The following CROCC2 variants were observed in gnomAD, a reference collection of about 807,000 sequenced individuals.
CROCC2 encodes the protein ciliary rootlet coiled-coil, rootletin family member 2.
CROCC2 carries 163 observed loss-of-function variants against 177.6 expected under a neutral mutation model. The observed-to-expected ratio is 0.92, with a 90% CI of 0.81 to 1.05. CROCC2 has a LOEUF of 1.05. Ranked by LOEUF, CROCC2 falls within the 50% of genes least tolerant of loss-of-function variation. The pLI is 0.00. For missense variants in CROCC2, 1,929 were observed against 1,797.8 expected, an observed-to-expected ratio of 1.07 and a Z score of -1.32; for synonymous variants, 904 against 787.3, an observed-to-expected ratio of 1.15 and a Z score of -2.48.
At chr2:240,941,130 T>C (rs2059492500) in intron 14 of CROCC2, among the ~76,000 whole-genome samples, 1 of 151,980 alleles carries the variant, frequency 6.6e-6, no homozygotes, top group South Asian at 2.1e-4. Flanking sequence ...TAACCAAGGA[T>C]GTGAAAGACT....
intron 20 of CROCC2, among the ~76,000 whole-genome samples, chr2:240,962,237 T>C (rs901539704): frequency 6.6e-6 from 1 of 151,692 alleles, no homozygotes; most frequent in African/African-American, 2.4e-5. Context: ...ATTAAGTGAT[T>C]TGGCCGTAAA....
chr2:240,985,899 C>G, intron 28 of CROCC2: 1 of 454,652 alleles, frequency 2.2e-6, no homozygotes, highest in Non-Finnish European at 4.4e-6. Flanking sequence ...GGGCCCCCAC[C>G]TGGCAGGTGA....
chr2:240,956,046 C>A, intron 19 of CROCC2, 74 bp downstream of exon 19: 1 of 1,117,378 alleles, frequency 8.9e-7, no homozygotes, highest in South Asian at 1.3e-5. Flanking sequence ...ACCCCTCCTG[C>A]CTGGTCCCAG....
Position 240,988,773 on chromosome 2 carries a change from T to C in CROCC2, c.4586T>C (p.Val1529Ala), listed in dbSNP as rs1290078116. 2 of 1,505,916 alleles carry C rather than the reference T, an allele frequency of 1.3e-6. No individual in the cohort carries two copies. The highest frequency in any genetic ancestry group is 1.8e-6 in the Non-Finnish European group (2 of 1,120,806). 93.3% of individuals were successfully genotyped at this position (1,505,916 alleles called of 1,614,324 possible). A position where few individuals can be genotyped will look rare whatever the true frequency, so the allele number is the denominator to read the frequency against. ...GAGACACTGAAGAGGGAGGAGGATGTGGCGAGGCTGGGGGCTGAGAAGGAG... is the reference window on the plus strand; with the variant it reads ...GAGACACTGAAGAGGGAGGAGGATGCGGCGAGGCTGGGGGCTGAGAAGGAG... ...EQETLKREED[V>A]ARLGAEKEQL... Residue 1529 changes from valine (V) to alanine (A), a missense_variant, in exon 29 of 32, where the codon GTG becomes GCG. Transcript: ENST00000690015.
chr2:240,916,959 T>C (rs1026298232), intron 1 of CROCC2, among the ~76,000 whole-genome samples: 1 of 152,080 alleles, frequency 6.6e-6, no homozygotes, highest in Non-Finnish European at 1.5e-5. Context: ...TTGGTGGTCT[T>C]GGCACCTGGG....
intron 27 of CROCC2, among the ~76,000 whole-genome samples, chr2:240,975,041 T>G (rs2059749903): frequency 6.6e-6 from 1 of 152,188 alleles, no homozygotes; most frequent in Non-Finnish European, 1.5e-5. Flanking sequence ...TGTTTATTGG[T>G]CGTTTGCTTT....
chr2:240,919,051 G>A (rs552861928), intron 2 of CROCC2, among the ~76,000 whole-genome samples, 175 bp downstream of exon 2: 2 of 36,036 alleles, frequency 5.6e-5, no homozygotes, highest in South Asian at 1.7e-3. Context: ...CAAGGTGATG[G>A]CGTGGGGGAC....
At position 240,955,839 on chromosome 2, in the gene CROCC2, G is replaced by A. The variant is rs2059586812; in HGVS notation, c.2830-20G>A. The stretch of plus-strand genomic sequence containing the variant: ...CCGAGACTCCCCAACTTTCTCACAA[G>A]CATACCCCGTCCTGTTCAGGCCCTG... On this transcript the variant is annotated intron_variant, in intron 18 of 31. Transcript: ENST00000690015. 6 of 1,519,050 alleles carry A rather than the reference G, an allele frequency of 3.9e-6. No individual in the cohort carries two copies. In the South Asian group the frequency reaches 6.0e-5, roughly 15 times the overall value. 94.1% of individuals were successfully genotyped at this position (1,519,050 alleles called of 1,614,324 possible). A position where few individuals can be genotyped will look rare whatever the true frequency, so the allele number is the denominator to read the frequency against.
chr2:240,963,339 G>T (rs1224599823), intron 20 of CROCC2: 2 of 546,058 alleles, frequency 3.7e-6, no homozygotes, highest in Admixed American at 6.1e-5. Context: ...GGGGTCTTCT[G>T]GGCTCTTAGG....
rs1373840996 is a variant in CROCC2 at position 240,933,651 on chromosome 2, C to G, written c.1464-19C>G. 6 of 1,549,204 alleles carry G rather than the reference C, an allele frequency of 3.9e-6. No homozygotes were observed. The South Asian group carries it at 4.8e-5, about 12-fold the overall frequency. On this transcript the variant is annotated intron_variant, in intron 10 of 31. Coordinates refer to ENST00000690015, the MANE Select transcript of CROCC2 (RefSeq NM_001351305.2). The stretch of plus-strand genomic sequence containing the variant: ...GAATGTGTCCAGGGCCGCCCCAACT[C>G]TGCCCCCACCATCCCCAGGGAGAAG...
chr2:240,934,415 A>C lies in CROCC2; in HGVS notation c.1731A>C (p.Ala577=). 2 of 1,548,700 alleles carry C rather than the reference A, an allele frequency of 1.3e-6. No individual in the cohort carries two copies. The highest frequency in any genetic ancestry group is 8.7e-7 in the Non-Finnish European group (1 of 1,146,916). ...LASVREALST[A]QLQRDVVESE... Reference sequence around the variant, plus strand: ...CGGTCCGGGAGGCACTGAGCACAGCACAGCTGCAGCGGGATGTCGTGGAGA... The same window carrying C: ...CGGTCCGGGAGGCACTGAGCACAGCCCAGCTGCAGCGGGATGTCGTGGAGA... Residue 577 remains alanine, a synonymous_variant, in exon 12 of 32, where the codon GCA becomes GCC. Coordinates refer to ENST00000690015, the MANE Select transcript of CROCC2 (RefSeq NM_001351305.2).
chr2:240,967,953 G>A (rs1009950835), intron 26 of CROCC2, among the ~76,000 whole-genome samples, 176 bp from the exon 27 acceptor site: 1 of 152,120 alleles, frequency 6.6e-6, no homozygotes, highest in African/African-American at 2.4e-5. Context: ...AGAGGCAGGA[G>A]GGAAGGATGG....
At position 240,925,836 on chromosome 2, in the gene CROCC2, C is replaced by T. The variant is rs752070438; in HGVS notation, c.601C>T (p.Arg201Cys). ...ELAGMTGSVQRLQGELELRRW... is the reference protein window; with the variant it reads ...ELAGMTGSVQCLQGELELRRW... ...GGCCGGGATGACGGGCAGCGTGCAGCGCCTGCAGGGCGAGCTGGAGCTGAG... is the reference window on the plus strand; with the variant it reads ...GGCCGGGATGACGGGCAGCGTGCAGTGCCTGCAGGGCGAGCTGGAGCTGAG... Residue 201 changes from arginine (R) to cysteine (C), a missense_variant, in exon 5 of 32, where the codon CGC becomes TGC. Around this residue, in one of 3 missense-constraint regions of CROCC2, gnomAD observed 1,397 missense variants for 1,239.9 expected, o/e 1.13. Transcript: ENST00000690015. The T allele has an allele frequency of 1.1e-4, 77 of 716,098 alleles. 1 individual carries two copies. Among genetic ancestry groups the T allele is most frequent in the South Asian group, 7.0e-4 (47 of 67,508 alleles). 44.4% of individuals were successfully genotyped at this position (716,098 alleles called of 1,614,324 possible).
rs548662097 is a variant in CROCC2, at chr2:240,965,562, G to A, written c.3603+44G>A. On this transcript the variant is annotated intron_variant, in intron 23 of 31. Coordinates refer to ENST00000690015, the MANE Select transcript of CROCC2 (RefSeq NM_001351305.2). ...GTCAGAAGGGAAGGAGCTGGGCGTCGGGGAGCAGAGGGAGGAGGCCCACCC... is the reference window on the plus strand; with the variant it reads ...GTCAGAAGGGAAGGAGCTGGGCGTCAGGGAGCAGAGGGAGGAGGCCCACCC... The A allele has an allele frequency of 1.3e-4, 199 of 1,549,724 alleles. 1 individual carries two copies. The South Asian group carries it at 1.8e-3, about 14-fold the overall frequency.
chr2:240,910,048 C>G (rs948373753), intron 1 of CROCC2, among the ~76,000 whole-genome samples: 2 of 152,184 alleles, frequency 1.3e-5, no homozygotes, highest in Non-Finnish European at 2.9e-5. Context: ...CTGCTCTCCC[C>G]TCCTTTGGAA....
At chr2:240,932,636 C>T (rs1284009754) in intron 8 of CROCC2, 66 bp from the exon 9 acceptor site, 5 of 716,784 alleles carry the variant, frequency 7.0e-6, no homozygotes, top group East Asian at 5.4e-5. Flanking sequence ...ACTGTCTGCG[C>T]GGTCCCCACC....
intron 15 of CROCC2, among the ~76,000 whole-genome samples, chr2:240,948,136 T>A (rs2059534115): frequency 6.7e-6 from 1 of 149,198 alleles, no homozygotes; most frequent in Non-Finnish European, 1.5e-5. Flanking sequence ...AGCCTGGGAG[T>A]GTTGGGATGG....
At position 240,988,899 on chromosome 2, in the gene CROCC2, C is replaced by T. The variant is rs1381442819; in HGVS notation, c.4683+29C>T. On this transcript the variant is annotated intron_variant, in intron 29 of 31. Coordinates refer to ENST00000690015, the MANE Select transcript of CROCC2 (RefSeq NM_001351305.2). Reference sequence around the variant, plus strand: ...AACTGGGCCAGTGGAGCTCTGCATACCCCAGGCCTGGGGGCAGACCTGGGG... The same window carrying T: ...AACTGGGCCAGTGGAGCTCTGCATATCCCAGGCCTGGGGGCAGACCTGGGG... The T allele has an allele frequency of 2.9e-6, 4 of 1,396,206 alleles. No homozygotes were observed. In the East Asian group the frequency reaches 8.4e-5, roughly 29 times the overall value. 86.5% of individuals were successfully genotyped at this position (1,396,206 alleles called of 1,614,324 possible).
rs1381688040 is a variant in CROCC2, at chr2:240,949,814, G to A, written c.2652+112G>A. The stretch of plus-strand genomic sequence containing the variant: ...GGAGACAGAGCTCAGAGACATAGGC[G>A]CCTGGCCAGGGCTGGGCAAGGACCA... On this transcript the variant is annotated intron_variant, in intron 17 of 31. Transcript: ENST00000690015. This position sits in a 1 kb window ranked among gnomAD's most constrained non-coding sequence, Gnocchi z 4.5. 1.3e-5 allele frequency: 15 copies of A among 1,159,486 alleles called. No homozygotes were observed. The Admixed American group carries it at 1.4e-4, about 11-fold the overall frequency. The allele number at this position is 1,159,486 out of a possible 1,614,324, so 71.8% of individuals were successfully genotyped here. A position where few individuals can be genotyped will look rare whatever the true frequency, so the allele number is the denominator to read the frequency against.
Sources: allele counts gnomAD v4.1 joint callset (sites outside exome capture counted in the v4.1 genomes callset), GRCh38; gene constraint gnomAD v4.1.1; regional missense constraint gnomAD v4.1.1; non-coding constraint Gnocchi (gnomAD v3.1); transcripts MANE v1.5; gene names NCBI Gene and HGNC (gene_info 2026-07-23, HGNC 2026-07-21).